The following ERC1 variants were observed in gnomAD, a reference collection of about 807,000 sequenced individuals.
The protein encoded by ERC1 is ELKS/RAB6-interacting/CAST family member 1.
Under a neutral mutation model 132.0 loss-of-function variants are expected in ERC1, and 56 were observed. The ratio of observed to expected loss-of-function variants is 0.42; its 90% CI spans 0.34 to 0.53. The LOEUF is 0.53. Among genes scored for constraint, ERC1 ranks in the 20% least tolerant of loss-of-function variants. The pLI is 0.03. For missense variants in ERC1, 1,202 were observed against 1,349.9 expected (o/e 0.89, Z 1.72); for synonymous variants, 478 against 476.1 (o/e 1.00, Z -0.05).
chr12:1,169,095 A>G (rs1023619131), intron 8 of ERC1, among the ~76,000 whole-genome samples: 6 of 152,208 alleles, frequency 3.9e-5, no homozygotes, highest in African/African-American at 1.4e-4. Flanking sequence ...AAAATCATAA[A>G]ATATGTGTAT....
intron 18 of ERC1, among the ~76,000 whole-genome samples, chr12:1,468,293 A>G (rs1368541931): frequency 6.6e-6 from 1 of 152,176 alleles, no homozygotes; most frequent in Non-Finnish European, 1.5e-5. Context: ...ACGAAAGCAA[A>G]AAACTCCAAC....
intron 12 of ERC1, among the ~76,000 whole-genome samples, chr12:1,193,504 G>A (rs1395319796): frequency 6.6e-6 from 1 of 150,748 alleles, no homozygotes; most frequent in Non-Finnish European, 1.5e-5. Context: ...ACACACACAA[G>A]CATACATATA....
At chr12:1,136,163 A>G (rs1485449500) in intron 7 of ERC1, among the ~76,000 whole-genome samples, 1 of 152,196 alleles carries the variant, frequency 6.6e-6, no homozygotes, top group East Asian at 1.9e-4. Context: ...CCTAGACATG[A>G]CACTGATGCT....
intron 12 of ERC1, among the ~76,000 whole-genome samples, chr12:1,201,834 C>T (rs576773026): frequency 1.3e-5 from 2 of 152,222 alleles, no homozygotes; most frequent in South Asian, 4.2e-4. Flanking sequence ...AATATTCTTA[C>T]TTTTAAATTT....
At chr12:1,122,625 GTCTCTA>G (rs771646801) in intron 7 of ERC1, among the ~76,000 whole-genome samples, 473 of 5,812 alleles carry the variant, frequency 0.081, 66 homozygotes, top group Non-Finnish European at 0.13. Context: ...CTCTATCTGT[GTCTCTA>G]TCTCTATCTC....
chr12:1,148,551 A>G (rs1593717384), intron 8 of ERC1, among the ~76,000 whole-genome samples: 1 of 152,318 alleles, frequency 6.6e-6, no homozygotes. Context: ...ACCAGATAGT[A>G]CAACTGTTTT....
At chr12:1,427,125 C>G (rs1056765208) in intron 17 of ERC1, among the ~76,000 whole-genome samples, 12 of 152,238 alleles carry the variant, frequency 7.9e-5, no homozygotes, top group East Asian at 3.9e-4. Context: ...ACAGACCCTT[C>G]CAGAACCAGA....
At chr12:1,418,432 A>G (rs1318341727) in intron 17 of ERC1, among the ~76,000 whole-genome samples, 1 of 152,234 alleles carries the variant, frequency 6.6e-6, no homozygotes, top group Non-Finnish European at 1.5e-5. Context: ...AGGAACACAA[A>G]GAACAACAGG....
chr12:1,162,038 G>C (rs1051698062), intron 8 of ERC1, among the ~76,000 whole-genome samples: 2 of 152,154 alleles, frequency 1.3e-5, no homozygotes, highest in African/African-American at 4.8e-5. Context: ...CACATACTGT[G>C]GACTGTCTCT....
chr12:1,007,533 TC>T (rs1416721219), intron 1 of ERC1, among the ~76,000 whole-genome samples: 38 of 79,258 alleles, frequency 4.8e-4, no homozygotes, highest in Middle Eastern at 6.8e-3. Flanking sequence ...TCTCTCTCTC[TC>T]TCTCTCTGTG....
chr12:1,097,037 C>T (rs1944124842), intron 3 of ERC1, among the ~76,000 whole-genome samples: 1 of 152,160 alleles, frequency 6.6e-6, no homozygotes, highest in Non-Finnish European at 1.5e-5. Flanking sequence ...TTTGTTTTGT[C>T]TGTTTTTCAA....
chr12:1,400,806 T>C (rs2090955544), intron 16 of ERC1, among the ~76,000 whole-genome samples: 1 of 152,042 alleles, frequency 6.6e-6, no homozygotes, highest in South Asian at 2.1e-4. Context: ...ATCTTTATGC[T>C]GATAACACAC....
chr12:1,493,966 T>G lies in ERC1; in HGVS notation c.*3736T>G. ...AAATGTTTCTGAGCCGCCCATCCACTGGCATTTGGATTTGCTGCCAGAGTC... is the reference window on the plus strand; with the variant it reads ...AAATGTTTCTGAGCCGCCCATCCACGGGCATTTGGATTTGCTGCCAGAGTC... On this transcript the variant is annotated 3_prime_UTR_variant, in exon 19 of 19. Transcript: ENST00000360905. The G allele has an allele frequency of 4.3e-6, 1 of 232,444 alleles. No individual in the cohort carries two copies. Among genetic ancestry groups the G allele is most frequent in the Non-Finnish European group, 8.5e-6 (1 of 117,568 alleles). 14.4% of individuals were successfully genotyped at this position (232,444 alleles called of 1,614,324 possible).
At chr12:1,293,101 A>G (rs1385402035) in intron 15 of ERC1, among the ~76,000 whole-genome samples, 10 of 138,286 alleles carry the variant, frequency 7.2e-5, no homozygotes, top group South Asian at 2.4e-4. Context: ...CTGAGATTGC[A>G]CCATTGCACT....
At chr12:1,371,215 G>T (rs2087189050) in intron 15 of ERC1, among the ~76,000 whole-genome samples, 1 of 151,106 alleles carries the variant, frequency 6.6e-6, no homozygotes, top group African/African-American at 2.5e-5. Flanking sequence ...CCTCTGCCTT[G>T]CAACCACCAT....
Position 1,028,192 on chromosome 12 carries a change from C to T in ERC1, c.289C>T (p.Arg97Cys), listed in dbSNP as rs767513298. The change falls in exon 2 of 19, where the codon CGT (arginine) becomes TGT (cysteine). Residue 97 changes from arginine to cysteine, a missense_variant. Coordinates refer to ENST00000360905, the MANE Select transcript of ERC1 (RefSeq NM_178040.4). ...CATGACACTTGGCCGTTCTGGGGGA[C>T]GTCTGCCTTACGGTGTTCGGATGAC... ...STMTLGRSGG[R>C]LPYGVRMTAM... 8.7e-6 allele frequency: 14 copies of T among 1,614,090 alleles called. No individual in the cohort carries two copies. The highest frequency in any genetic ancestry group is 3.3e-5 in the South Asian group (3 of 91,076).
chr12:1,149,315 T>C (rs1219515179), intron 8 of ERC1, among the ~76,000 whole-genome samples: 4 of 152,132 alleles, frequency 2.6e-5, no homozygotes, highest in African/African-American at 9.7e-5. Context: ...TTTAAACTTT[T>C]GAAATTTTGT....
At chr12:1,230,636 T>C (rs2074956943) in intron 12 of ERC1, among the ~76,000 whole-genome samples, 1 of 152,208 alleles carries the variant, frequency 6.6e-6, no homozygotes. Flanking sequence ...GACAGACTGT[T>C]TGACCTATCC....
At chr12:1,219,631 CTCTCT>C (rs1566286806) in intron 12 of ERC1, among the ~76,000 whole-genome samples, 1 of 106,996 alleles carries the variant, frequency 9.3e-6, no homozygotes, top group Non-Finnish European at 1.9e-5. Context: ...TCAGACTGAA[CTCTCT>C]TTTTTTTTTT....
Sources: gnomAD v4.1 joint callset for allele counts (sites outside exome capture counted in the v4.1 genomes callset) on GRCh38, gnomAD v4.1.1 for gene constraint, MANE v1.5 for transcripts, NCBI Gene and HGNC (gene_info 2026-07-23, HGNC 2026-07-21) for gene names.